Variants in TMC1 observed in about 807,000 individuals in gnomAD.
TMC1 encodes transmembrane channel-like protein 1.
Under a neutral mutation model 105.8 loss-of-function variants are expected in TMC1, and 84 were observed. That is an observed-to-expected ratio of 0.79 (90% CI 0.67 to 0.95). The LOEUF is 0.95. Among genes scored for constraint, TMC1 ranks in the 40% least tolerant of loss-of-function variants. TMC1 has a pLI of 0.00. For synonymous variants in TMC1, 315 were observed against 311.5 expected, an observed-to-expected ratio of 1.01 and a Z score of -0.12; for missense variants, 817 against 914.1, an observed-to-expected ratio of 0.89 and a Z score of 1.37.
chr9:72,650,892 A>ATATATATATAAATATATATAGG (rs1825799483), intron 5 of TMC1, among the ~76,000 whole-genome samples: 1 of 138,804 alleles, frequency 7.2e-6, no homozygotes, highest in African/African-American at 2.7e-5. Flanking sequence ...AGATATATAG[A>ATATATATATAAATATATATAGG]TATATATATA....
chr9:72,586,089 A>G (rs1229559002), intron 2 of TMC1, among the ~76,000 whole-genome samples: 2 of 152,206 alleles, frequency 1.3e-5, no homozygotes, highest in African/African-American at 4.8e-5. Context: ...ATGCACTAAT[A>G]TATACAGTTT....
intron 8 of TMC1, among the ~76,000 whole-genome samples, chr9:72,735,562 C>A (rs888330040): frequency 4.6e-5 from 7 of 152,072 alleles, no homozygotes; most frequent in African/African-American, 1.7e-4. Flanking sequence ...GTTTTTGTAT[C>A]TTCTTTCTAA....
At chr9:72,535,630 T>A (rs1823570252) in intron 1 of TMC1, among the ~76,000 whole-genome samples, 1 of 152,148 alleles carries the variant, frequency 6.6e-6, no homozygotes, top group African/African-American at 2.4e-5. Flanking sequence ...TTCTAGTGTG[T>A]TTGTGTTGCT....
intron 5 of TMC1, chr9:72,651,300 C>T (rs1386622264): frequency 6.6e-6 from 1 of 151,988 alleles, no homozygotes; most frequent in Non-Finnish European, 1.5e-5. Flanking sequence ...CCTGGATAAC[C>T]TCCTGTATGC....
At chr9:72,672,823 A>AACACACACACAC (rs34028814) in intron 5 of TMC1, among the ~76,000 whole-genome samples, 47 of 139,920 alleles carry the variant, frequency 3.4e-4, no homozygotes, top group African/African-American at 1.2e-3. Context: ...AAGCCTGGGC[A>AACACACACACAC]ACACACACAC....
intron 18 of TMC1, among the ~76,000 whole-genome samples, chr9:72,814,634 C>T (rs1828753514): frequency 1.3e-5 from 2 of 152,092 alleles, no homozygotes; most frequent in South Asian, 4.1e-4. Flanking sequence ...TTAACCATTC[C>T]TGTTATGCCA....
intron 1 of TMC1, among the ~76,000 whole-genome samples, chr9:72,544,428 T>G (rs1436678108): frequency 6.6e-6 from 1 of 152,012 alleles, no homozygotes; most frequent in Non-Finnish European, 1.5e-5. Context: ...GCTTGCTGCT[T>G]CTTCCAGGTG....
chr9:72,797,911 T>C (rs1199274876), intron 17 of TMC1, among the ~76,000 whole-genome samples: 1 of 152,104 alleles, frequency 6.6e-6, no homozygotes, highest in Non-Finnish European at 1.5e-5. Context: ...CAAAAGAAAC[T>C]ATCATCAGAG....
intron 8 of TMC1, among the ~76,000 whole-genome samples, chr9:72,739,779 T>C (rs1335457548): frequency 6.6e-6 from 1 of 152,228 alleles, no homozygotes; most frequent in African/African-American, 2.4e-5. Flanking sequence ...AATAAACATT[T>C]GACTGCCAGA....
intron 8 of TMC1, among the ~76,000 whole-genome samples, chr9:72,704,487 C>T (rs1335276282): frequency 6.6e-6 from 1 of 152,186 alleles, no homozygotes; most frequent in Non-Finnish European, 1.5e-5. Context: ...CCCGAGCACA[C>T]TCAGGGCTTA....
At chr9:72,597,973 GA>G (rs1251032973) in intron 2 of TMC1, among the ~76,000 whole-genome samples, 4 of 151,582 alleles carry the variant, frequency 2.6e-5, no homozygotes, top group African/African-American at 9.7e-5. Flanking sequence ...TGAATTATAT[GA>G]AAAAAAGAAA....
chr9:72,652,788 G>A (rs1324509649), intron 5 of TMC1, among the ~76,000 whole-genome samples: 2 of 152,098 alleles, frequency 1.3e-5, no homozygotes, highest in Non-Finnish European at 2.9e-5. Flanking sequence ...ATGACTTTTT[G>A]TAAGTAGAAA....
intron 17 of TMC1, among the ~76,000 whole-genome samples, chr9:72,797,820 T>C (rs117861887): frequency 0.085 from 12,952 of 152,232 alleles, 666 homozygotes; most frequent in Non-Finnish European, 0.13. Flanking sequence ...AAAGATTTCA[T>C]GACAAAAATG....
rs141054885 is a variant in TMC1 at position 72,656,668 on chromosome 9, T to C, written c.16+8004T>C. On this transcript the variant is annotated intron_variant, in intron 5 of 23. Transcript: ENST00000297784. ...CTACTTCTTTGCTTACTTGGTAATT[T>C]TTTTATCAATGAAAATTTATAAAAG... Among the ~76,000 whole-genome samples, 386 of 152,358 alleles carry C rather than the reference T, an allele frequency of 2.5e-3. 1 individual carries two copies. Among genetic ancestry groups the C allele is most frequent in the African/African-American group, 8.7e-3 (363 of 41,572 alleles).
chr9:72,570,757 C>T (rs1485759321), intron 1 of TMC1, among the ~76,000 whole-genome samples: 13 of 131,810 alleles, frequency 9.9e-5, no homozygotes, highest in Middle Eastern at 4.5e-3. Context: ...GGTGCGATCT[C>T]GGCTTACTGC....
intron 2 of TMC1, among the ~76,000 whole-genome samples, chr9:72,594,897 A>G (rs1473263130): frequency 2.7e-5 from 4 of 146,286 alleles, no homozygotes; most frequent in Non-Finnish European, 6.0e-5. Context: ...ACAGCGTCTC[A>G]CTCTGTCACC....
At position 72,821,002 on chromosome 9, in the gene TMC1, C is replaced by G. The variant is rs1828861925; in HGVS notation, c.1924C>G (p.Leu642Val). 6.2e-7 allele frequency: 1 copy of G among 1,614,162 alleles called. No homozygotes were observed. The highest frequency in any genetic ancestry group is 8.5e-7 in the Non-Finnish European group (1 of 1,180,008). Residue 642 changes from leucine to valine, a missense_variant, in exon 20 of 24, where the codon CTC becomes GTC. By Grantham distance (32) the Leu-to-Val change is conservative. Coordinates refer to ENST00000297784, the MANE Select transcript of TMC1 (RefSeq NM_138691.3). The stretch of plus-strand genomic sequence containing the variant: ...TAACTTCTACCTGGGCATGCTACTG[C>G]TCATCCTCTTCCTGTCCACAATGCC... ...SNNFYLGMLL[L>V]ILFLSTMPVL...
At chr9:72,798,048 TG>T (rs1390149879) in intron 17 of TMC1, among the ~76,000 whole-genome samples, 3 of 152,050 alleles carry the variant, frequency 2.0e-5, no homozygotes, top group African/African-American at 7.2e-5. Context: ...CATTAAAAAG[TG>T]GGCAAAGGAC....
chr9:72,740,259 A>AG, intron 9 of TMC1, 50 bp downstream of exon 9: 2 of 1,515,010 alleles, frequency 1.3e-6, no homozygotes, highest in Non-Finnish European at 1.8e-6. Context: ...CTCTAAGAAG[A>AG]ACACTGGTTC....
Sources: gnomAD v4.1 joint callset for allele counts (sites outside exome capture counted in the v4.1 genomes callset) on GRCh38, gnomAD v4.1.1 for gene constraint, MANE v1.5 for transcripts, NCBI Gene and HGNC (gene_info 2026-07-23, HGNC 2026-07-21) for gene names.